CC2D2A: variants seen among roughly 807,000 people sequenced by gnomAD.
The protein encoded by CC2D2A is coiled-coil and C2 domain-containing protein 2A.
Under a neutral mutation model 212.9 loss-of-function variants are expected in CC2D2A, and 155 were observed. That is an observed-to-expected ratio of 0.73 (90% CI 0.64 to 0.83). The LOEUF is 0.83. CC2D2A is among the 40% of genes least tolerant of loss of function. CC2D2A has a pLI of 0.00. For synonymous variants in CC2D2A, 667 were observed against 686.5 expected (o/e 0.97, Z 0.44); for missense variants, 1,856 against 1,956.2 (o/e 0.95, Z 0.97).
Position 15,601,293 on chromosome 4 carries a change from T to A in CC2D2A, c.4731T>A (p.Ala1577=). 6.2e-7 allele frequency: 1 copy of A among 1,612,988 alleles called. No individual in the cohort carries two copies. Among genetic ancestry groups the A allele is most frequent in the East Asian group, 2.2e-5 (1 of 44,814 alleles). The change falls in exon 37 of 37, where the codon GCT becomes GCA. Residue 1577 remains alanine (A), a synonymous_variant. Transcript: ENST00000424120. ...PYSEVKPLID[A]VYSTGVHNID... is the part of the protein sequence containing the mutation. ...CTGAAGTGAAGCCTTTAATTGACGC[T>A]GTGTATAGTACTGGAGTACATAATA...
chr4:15,586,632 T>A (rs28578650), intron 31 of CC2D2A, among the ~76,000 whole-genome samples: 1,774 of 152,314 alleles, frequency 0.012, 39 homozygotes, highest in African/African-American at 0.041. Flanking sequence ...ATTTATTCAG[T>A]ATGTACTTCT....
Position 15,563,335 on chromosome 4 carries a change from T to C in CC2D2A, c.3015-20T>C, listed in dbSNP as rs1577379306. ...ACCTTTCTTTTTCTTAGAGTCCTGA[T>C]CCTGTTCTGTAATCATTAGCATTTT... is the stretch of plus-strand genomic sequence containing the variant. On this transcript the variant is annotated intron_variant, in intron 23 of 36. Coordinates refer to ENST00000424120, the MANE Select transcript of CC2D2A (RefSeq NM_001378615.1). 1.9e-6 allele frequency: 3 copies of C among 1,583,154 alleles called. No individual in the cohort carries two copies. The highest frequency in any genetic ancestry group is 8.6e-7 in the Non-Finnish European group (1 of 1,163,696).
chr4:15,533,354 A>G, intron 14 of CC2D2A, 21 bp downstream of exon 14: 1 of 1,497,146 alleles, frequency 6.7e-7, no homozygotes, highest in Non-Finnish European at 9.0e-7. Flanking sequence ...TTGAAAAATT[A>G]TTTTATTGGG....
chr4:15,598,017 T>TAGTACATA (rs1721396186), intron 35 of CC2D2A, among the ~76,000 whole-genome samples: 1 of 152,204 alleles, frequency 6.6e-6, no homozygotes, highest in African/African-American at 2.4e-5. Context: ...CTATTTCTAC[T>TAGTACATA]GTATTAAGCT....
Position 15,597,471 on chromosome 4 carries a change from A to G in CC2D2A, c.4496+6A>G, listed in dbSNP as rs1721369415. Reference sequence around the variant, plus strand: ...GCAGCTGAGCTACAAGACAGGTAACATAACATCCATAAATCCACATGTAAT... The same window carrying G: ...GCAGCTGAGCTACAAGACAGGTAACGTAACATCCATAAATCCACATGTAAT... On this transcript the variant is annotated splice_donor_region_variant and intron_variant, in intron 35 of 36. Transcript: ENST00000424120. 5 of 1,550,616 alleles carry G rather than the reference A, an allele frequency of 3.2e-6. No individual in the cohort carries two copies. The South Asian group carries it at 4.8e-5, about 15-fold the overall frequency.
At chr4:15,482,632 G>A (rs1011371855) in intron 4 of CC2D2A, among the ~76,000 whole-genome samples, 1 of 152,108 alleles carries the variant, frequency 6.6e-6, no homozygotes, top group East Asian at 1.9e-4. Flanking sequence ...ACCTCCTACA[G>A]GTTCTATCTC....
At chr4:15,600,618 T>G (rs1231415566) in intron 36 of CC2D2A, among the ~76,000 whole-genome samples, 1 of 151,922 alleles carries the variant, frequency 6.6e-6, no homozygotes, top group African/African-American at 2.4e-5. Context: ...GGACGAAAAT[T>G]ATTGTCGGGC....
chr4:15,482,274 CTGTT>C (rs1577313698), intron 4 of CC2D2A: 1 of 983,678 alleles, frequency 1.0e-6, no homozygotes, highest in Non-Finnish European at 1.2e-6. Context: ...TCTCATATGG[CTGTT>C]TCTTTTTCTA....
rs921854876 is a variant in CC2D2A, at chr4:15,587,876, T to C, written c.4126T>C (p.Phe1376Leu). Residue 1376 changes from phenylalanine (F) to leucine (L), a missense_variant, in exon 32 of 37, where the codon TTT becomes CTT. Coordinates refer to ENST00000424120, the MANE Select transcript of CC2D2A (RefSeq NM_001378615.1). Reference sequence around the variant, plus strand: ...ACATGCAGTACTATTGTGTAATTACTTTCTGTCTCTGGGTAAGAAGGCCTG... The same window carrying C: ...ACATGCAGTACTATTGTGTAATTACCTTCTGTCTCTGGGTAAGAAGGCCTG... ...EEHAVLLCNY[F>L]LSLGKKAWLL... 2.5e-6 allele frequency: 4 copies of C among 1,613,572 alleles called. No homozygotes were observed. In the African/African-American group the frequency reaches 5.3e-5, roughly 22 times the overall value.
At chr4:15,503,740 G>A (rs996258638) in intron 6 of CC2D2A, among the ~76,000 whole-genome samples, 4 of 152,174 alleles carry the variant, frequency 2.6e-5, no homozygotes, top group Admixed American at 6.5e-5. Context: ...AGTGAATTTC[G>A]TTCGTATTTG....
chr4:15,495,016 C>T (rs1380119635), intron 4 of CC2D2A, among the ~76,000 whole-genome samples: 1 of 152,202 alleles, frequency 6.6e-6, no homozygotes, highest in African/African-American at 2.4e-5. Flanking sequence ...ATCATTTTGT[C>T]ACCCAGGTAA....
At chr4:15,470,712 T>C (rs1329180253) in intron 1 of CC2D2A, among the ~76,000 whole-genome samples, 5 of 78,178 alleles carry the variant, frequency 6.4e-5, no homozygotes, top group African/African-American at 1.7e-4. Flanking sequence ...TATATATATA[T>C]ATATATATAT....
At chr4:15,594,462 C>T (rs1251323507) in intron 33 of CC2D2A, among the ~76,000 whole-genome samples, 1 of 152,110 alleles carries the variant, frequency 6.6e-6, no homozygotes, top group Admixed American at 6.6e-5. Flanking sequence ...AAGACAAGCT[C>T]TGCTTCTCAC....
At chr4:15,570,150 T>C (rs1408901627) in intron 27 of CC2D2A, among the ~76,000 whole-genome samples, 1 of 152,230 alleles carries the variant, frequency 6.6e-6, no homozygotes, top group Non-Finnish European at 1.5e-5. Context: ...CATTGTCTGA[T>C]TTAATTCTAA....
intron 1 of CC2D2A, 151 bp from the exon 2 acceptor site, chr4:15,475,764 C>T (rs1714170271): frequency 1.6e-6 from 1 of 644,462 alleles, no homozygotes; most frequent in South Asian, 1.8e-5. Context: ...TCCACCAATC[C>T]TGGGGTCTGC....
intron 16 of CC2D2A, among the ~76,000 whole-genome samples, chr4:15,538,897 T>C (rs568071668): frequency 6.6e-6 from 1 of 152,272 alleles, no homozygotes; most frequent in East Asian, 1.9e-4. Context: ...CACTGAGGAC[T>C]TGTTAGAAAC....
intron 11 of CC2D2A, among the ~76,000 whole-genome samples, chr4:15,524,697 C>T (rs1054193803): frequency 5.9e-5 from 9 of 152,018 alleles, no homozygotes; most frequent in South Asian, 2.1e-4. Flanking sequence ...GTGATCTGCC[C>T]GCCTTGGCCT....
chr4:15,596,286 C>A (rs1384571556), intron 34 of CC2D2A, 79 bp downstream of exon 34: 1 of 1,316,356 alleles, frequency 7.6e-7, no homozygotes. Context: ...ATATTTTTTA[C>A]CCCTGGGTAG....
rs190663254 is a variant in CC2D2A at position 15,569,530 on chromosome 4, C to T, written c.3495+141C>T. ...ATATCACACAAGAAAGAATTCAGAGCGAGTCCACAGTGCAAAGCAAAAGCG... is the reference window on the plus strand; with the variant it reads ...ATATCACACAAGAAAGAATTCAGAGTGAGTCCACAGTGCAAAGCAAAAGCG... On this transcript the variant is annotated intron_variant, in intron 27 of 36. Transcript: ENST00000424120. The T allele has an allele frequency of 1.4e-4, 82 of 601,946 alleles. No individual in the cohort carries two copies. The highest frequency in any genetic ancestry group is 1.2e-3 in the African/African-American group (65 of 54,280). The allele number at this position is 601,946 out of a possible 1,614,324, so 37.3% of individuals were successfully genotyped here. A position where few individuals can be genotyped will look rare whatever the true frequency, so the allele number is the denominator to read the frequency against.
Sources: gnomAD v4.1 joint callset for allele counts (sites outside exome capture counted in the v4.1 genomes callset) on GRCh38, gnomAD v4.1.1 for gene constraint, MANE v1.5 for transcripts, NCBI Gene and HGNC (gene_info 2026-07-23, HGNC 2026-07-21) for gene names.